Variants in NRG3 observed in about 807,000 individuals in gnomAD.
NRG3 encodes the protein neuregulin 3, also known as pro-neuregulin-3, membrane-bound isoform.
Under a neutral mutation model 66.9 loss-of-function variants are expected in NRG3, and 31 were observed. That is an observed-to-expected ratio of 0.46 (90% CI 0.35 to 0.63). The LOEUF (loss-of-function observed/expected upper bound fraction) is 0.63. Among genes scored for constraint, NRG3 ranks in the 20% least tolerant of loss-of-function variants. The pLI is 0.00. For synonymous variants in NRG3, 393 were observed against 359.4 expected, an observed-to-expected ratio of 1.09 and a Z score of -1.06; for missense variants, 910 against 878.9, an observed-to-expected ratio of 1.04 and a Z score of -0.45.
intron 4 of NRG3, among the ~76,000 whole-genome samples, chr10:82,942,668 TGGACTCATCTCACTCCA>T (rs1378639107): frequency 6.6e-6 from 1 of 152,244 alleles, no homozygotes; most frequent in African/African-American, 2.4e-5. Context: ...GCCCTTGCCC[TGGACTCATCTCACTCCA>T]GGACTCATCT....
At chr10:82,320,893 C>A (rs907383453) in intron 1 of NRG3, among the ~76,000 whole-genome samples, 2 of 152,176 alleles carry the variant, frequency 1.3e-5, no homozygotes, top group Admixed American at 6.5e-5. Context: ...ACCCCAAGCT[C>A]CACGAGCAGA....
intron 1 of NRG3, among the ~76,000 whole-genome samples, chr10:82,138,453 C>T (rs909575684): frequency 1.1e-4 from 16 of 152,154 alleles, no homozygotes; most frequent in African/African-American, 3.6e-4. Flanking sequence ...TTCTTGGCTT[C>T]TAATCATCCT....
intron 1 of NRG3, among the ~76,000 whole-genome samples, chr10:82,008,303 A>G (rs1304436620): frequency 1.3e-5 from 2 of 152,214 alleles, no homozygotes; most frequent in East Asian, 3.9e-4. Flanking sequence ...ACTATTGAGT[A>G]TGAGTTCGAC....
At chr10:82,116,232 A>C (rs1369053179) in intron 1 of NRG3, among the ~76,000 whole-genome samples, 1 of 152,096 alleles carries the variant, frequency 6.6e-6, no homozygotes, top group South Asian at 2.1e-4. Context: ...ATACTTTGAT[A>C]TATAGTATCC....
chr10:82,087,028 C>T (rs982007136), intron 1 of NRG3, among the ~76,000 whole-genome samples: 16 of 152,050 alleles, frequency 1.1e-4, no homozygotes, highest in Non-Finnish European at 1.9e-4. Context: ...AGAGGGTGAA[C>T]TTTACAAGAT....
chr10:81,962,257 T>C (rs529826938), intron 1 of NRG3, among the ~76,000 whole-genome samples: 104 of 152,298 alleles, frequency 6.8e-4, no homozygotes, highest in South Asian at 2.7e-3. Context: ...ACCCACTTCA[T>C]TGGTTATTAA....
chr10:82,739,989 TTTC>T (rs1298372791), intron 3 of NRG3, among the ~76,000 whole-genome samples: 1 of 117,008 alleles, frequency 8.5e-6, no homozygotes, highest in African/African-American at 2.6e-5. Flanking sequence ...TGCTGATTTC[TTTC>T]TTTTTCTTTC....
intron 3 of NRG3, among the ~76,000 whole-genome samples, chr10:82,760,854 A>G (rs1408512140): frequency 1.3e-5 from 2 of 151,952 alleles, no homozygotes; most frequent in South Asian, 2.1e-4. Context: ...GTACATGGCA[A>G]TGGCATACAT....
intron 4 of NRG3, among the ~76,000 whole-genome samples, chr10:82,923,141 A>G (rs1046540133): frequency 1.3e-5 from 2 of 152,204 alleles, no homozygotes; most frequent in African/African-American, 2.4e-5. Context: ...ACTTCCTGCA[A>G]TCTCCCAGCC....
intron 1 of NRG3, among the ~76,000 whole-genome samples, chr10:81,990,247 C>T (rs940279720): frequency 6.6e-6 from 1 of 152,100 alleles, no homozygotes; most frequent in Non-Finnish European, 1.5e-5. Flanking sequence ...GTTAGTCATG[C>T]ATATGCTAGT....
At chr10:81,923,810 A>G (rs1260336547) in intron 1 of NRG3, among the ~76,000 whole-genome samples, 2 of 152,130 alleles carry the variant, frequency 1.3e-5, no homozygotes, top group African/African-American at 4.8e-5. Context: ...ATTGTACTGT[A>G]TGACGTTTGC....
intron 1 of NRG3, among the ~76,000 whole-genome samples, chr10:82,207,569 G>T (rs768436125): frequency 6.6e-6 from 1 of 152,154 alleles, no homozygotes; most frequent in Non-Finnish European, 1.5e-5. Context: ...TAGTAAAGCC[G>T]TGTGTAGCGG....
intron 8 of NRG3, among the ~76,000 whole-genome samples, chr10:82,983,987 C>G (rs561444788): frequency 6.6e-6 from 1 of 152,328 alleles, no homozygotes; most frequent in East Asian, 1.9e-4. Flanking sequence ...GTGCAACACA[C>G]TGCATTGCAA....
intron 2 of NRG3, among the ~76,000 whole-genome samples, chr10:82,419,940 G>A (rs915316768): frequency 4.1e-4 from 62 of 152,170 alleles, no homozygotes; most frequent in African/African-American, 1.5e-3. Context: ...TATACTCACA[G>A]GATGTATTGG....
intron 2 of NRG3, among the ~76,000 whole-genome samples, chr10:82,604,876 T>C (rs987895914): frequency 1.3e-5 from 2 of 152,108 alleles, no homozygotes; most frequent in Non-Finnish European, 1.5e-5. Context: ...ATCCCTATTG[T>C]TTATTGCTGG....
rs146681479 is a variant in NRG3, at chr10:82,144,143, T to C, written c.824-214596T>C. On this transcript the variant is annotated intron_variant, in intron 1 of 8. Transcript: ENST00000372141. ...GCTTTCTCCCTTTACTATTTAATAT[T>C]CTCTGGCTTCATAAAATTTGACTCT... Among the ~76,000 whole-genome samples the C allele has an allele frequency of 2.9e-3, 439 of 152,302 alleles. 2 individuals carry two copies. The highest frequency in any genetic ancestry group is 0.01 in the African/African-American group (427 of 41,570).
intron 3 of NRG3, among the ~76,000 whole-genome samples, chr10:82,855,404 G>A (rs989994471): frequency 2.0e-5 from 3 of 151,636 alleles, no homozygotes; most frequent in Non-Finnish European, 4.4e-5. Flanking sequence ...TCGTCTGTGT[G>A]TCTTTTTTTT....
intron 1 of NRG3, among the ~76,000 whole-genome samples, chr10:82,118,042 A>G (rs1198491052): frequency 6.6e-6 from 1 of 152,076 alleles, no homozygotes; most frequent in Non-Finnish European, 1.5e-5. Flanking sequence ...AGCCTGAAGC[A>G]TGCTCGCTAT....
intron 1 of NRG3, among the ~76,000 whole-genome samples, chr10:82,252,072 G>A (rs2077513636): frequency 6.6e-6 from 1 of 152,206 alleles, no homozygotes; most frequent in African/African-American, 2.4e-5. Flanking sequence ...GAGGCCTTCT[G>A]TGGGCTCCCA....
Sources: allele counts gnomAD v4.1 joint callset (sites outside exome capture counted in the v4.1 genomes callset), GRCh38; gene constraint gnomAD v4.1.1; transcripts MANE v1.5; gene names NCBI Gene and HGNC (gene_info 2026-07-23, HGNC 2026-07-21).